The following SLC10A7 variants were observed in gnomAD, a reference collection of about 807,000 sequenced individuals.
SLC10A7 encodes the protein sodium/bile acid cotransporter 7.
SLC10A7 carries 29 observed loss-of-function variants against 43.2 expected under a neutral mutation model. That is an observed-to-expected ratio of 0.67 (90% CI 0.50 to 0.92). SLC10A7 has a LOEUF of 0.92. Ranked by LOEUF, SLC10A7 falls within the 40% of genes least tolerant of loss-of-function variation. SLC10A7 has a pLI of 0.00. For synonymous variants in SLC10A7, 152 were observed against 144.8 expected, an observed-to-expected ratio of 1.05 and a Z score of -0.35; for missense variants, 295 against 403.2, an observed-to-expected ratio of 0.73 and a Z score of 2.30.
chr4:146,400,892 T>C (rs2149816090), intron 5 of SLC10A7, among the ~76,000 whole-genome samples: 1 of 152,346 alleles, frequency 6.6e-6, no homozygotes, highest in East Asian at 1.9e-4. Flanking sequence ...TGAGTCTGCA[T>C]GCACTAAAAA....
chr4:146,498,275 G>A (rs1256945402), intron 4 of SLC10A7, among the ~76,000 whole-genome samples: 1 of 151,976 alleles, frequency 6.6e-6, no homozygotes, highest in African/African-American at 2.4e-5. Flanking sequence ...ATGACACCAA[G>A]CCTGGCTAAT....
chr4:146,286,439 TCTGGAGTGGTGAGAAGGAC>T (rs1729953655), intron 9 of SLC10A7, among the ~76,000 whole-genome samples: 1 of 108,900 alleles, frequency 9.2e-6, no homozygotes. Context: ...TGAGAAGGAC[TCTGGAGTGGTGAGAAGGAC>T]TGAGTTTGGA....
At chr4:146,325,723 A>T (rs141430670) in intron 6 of SLC10A7, among the ~76,000 whole-genome samples, 2 of 152,324 alleles carry the variant, frequency 1.3e-5, no homozygotes, top group East Asian at 1.9e-4. Context: ...TATTTGTAAT[A>T]TAATGATTTA....
At chr4:146,424,197 G>A (rs888873562) in intron 5 of SLC10A7, among the ~76,000 whole-genome samples, 3 of 152,072 alleles carry the variant, frequency 2.0e-5, no homozygotes, top group South Asian at 2.1e-4. Flanking sequence ...GACTACAAGC[G>A]GGCAACACCA....
chr4:146,515,186 T>C (rs2150054664), intron 2 of SLC10A7: 1 of 702,252 alleles, frequency 1.4e-6, no homozygotes, highest in Non-Finnish European at 2.6e-6. Flanking sequence ...GCTTTCTGGA[T>C]TTCCCATGGC....
At chr4:146,368,637 CCCTT>C (rs774336730) in intron 5 of SLC10A7, among the ~76,000 whole-genome samples, 8 of 152,058 alleles carry the variant, frequency 5.3e-5, no homozygotes, top group East Asian at 3.9e-4. Context: ...CAACTTGTGC[CCCTT>C]CCTTCCTTCC....
intron 6 of SLC10A7, among the ~76,000 whole-genome samples, chr4:146,317,234 T>C (rs1034372226): frequency 6.6e-6 from 1 of 152,106 alleles, no homozygotes; most frequent in African/African-American, 2.4e-5. Context: ...TTTGGACAGA[T>C]GCATCCATTC....
At chr4:146,319,666 G>A (rs1373001191) in intron 6 of SLC10A7, among the ~76,000 whole-genome samples, 1 of 152,014 alleles carries the variant, frequency 6.6e-6, no homozygotes, top group East Asian at 1.9e-4. Flanking sequence ...TAATGAATAA[G>A]TTTAAATAAC....
intron 5 of SLC10A7, among the ~76,000 whole-genome samples, chr4:146,357,722 G>A (rs1241731415): frequency 1.3e-5 from 2 of 152,152 alleles, no homozygotes; most frequent in African/African-American, 4.8e-5. Flanking sequence ...GGGAGCTTCA[G>A]AGAATCACTT....
At chr4:146,295,881 C>T (rs1056040697) in intron 7 of SLC10A7, among the ~76,000 whole-genome samples, 35 of 152,080 alleles carry the variant, frequency 2.3e-4, no homozygotes, top group Admixed American at 1.8e-3. Context: ...TCTCTCTCTG[C>T]AATAGGTTAT....
At chr4:146,463,122 G>T (rs552640728) in intron 4 of SLC10A7, among the ~76,000 whole-genome samples, 2 of 152,244 alleles carry the variant, frequency 1.3e-5, no homozygotes, top group Non-Finnish European at 2.9e-5. Flanking sequence ...CTTTTAAAAT[G>T]CTGCCCTCTA....
At chr4:146,408,779 C>A (rs879315511) in intron 5 of SLC10A7, 1 of 152,048 alleles carries the variant, frequency 6.6e-6, no homozygotes, top group Non-Finnish European at 1.5e-5. Context: ...AATATCAACC[C>A]TCTTGTTCTC....
intron 9 of SLC10A7, among the ~76,000 whole-genome samples, chr4:146,283,948 A>G (rs2115795): frequency 6.6e-6 from 1 of 152,130 alleles, no homozygotes; most frequent in African/African-American, 2.4e-5. Flanking sequence ...CTTAATTACT[A>G]TATTCTACTA....
intron 5 of SLC10A7, among the ~76,000 whole-genome samples, chr4:146,342,765 C>A (rs1734356271): frequency 6.6e-6 from 1 of 151,580 alleles, no homozygotes; most frequent in Admixed American, 6.6e-5. Context: ...AAATATTATG[C>A]AAAATAAAAT....
At chr4:146,341,735 T>C (rs1560815259) in intron 5 of SLC10A7, among the ~76,000 whole-genome samples, 1 of 151,848 alleles carries the variant, frequency 6.6e-6, no homozygotes, top group Non-Finnish European at 1.5e-5. Context: ...AAGTAATGTA[T>C]GGTAAAGCCT....
chr4:146,469,844 A>G (rs897058377), intron 4 of SLC10A7, among the ~76,000 whole-genome samples: 4 of 152,024 alleles, frequency 2.6e-5, no homozygotes, highest in Non-Finnish European at 5.9e-5. Flanking sequence ...TGCCCAGGCT[A>G]GTCTCAGGTA....
chr4:146,365,012 C>T (rs1177546001), intron 5 of SLC10A7, among the ~76,000 whole-genome samples: 1 of 152,100 alleles, frequency 6.6e-6, no homozygotes, highest in Non-Finnish European at 1.5e-5. Context: ...TCTAGTGAGA[C>T]AGACCACCCA....
chr4:146,256,917 C>A lies in SLC10A7; in HGVS notation c.994-397G>T, dbSNP rs1404132097. 1 of 1,536,158 alleles carries A rather than the reference C, an allele frequency of 6.5e-7. No homozygotes were observed. Among genetic ancestry groups the A allele is most frequent in the Non-Finnish European group, 8.7e-7 (1 of 1,146,820 alleles). On this transcript the variant is annotated intron_variant, in intron 11 of 11. Transcript: ENST00000335472. Reference sequence around the variant, plus strand: ...TGGATTATTCAAGTTAGCCAGTGGCCCCCTGGTTTGGAGTAGTTTCTACAC... The same window carrying A: ...TGGATTATTCAAGTTAGCCAGTGGCACCCTGGTTTGGAGTAGTTTCTACAC...
chr4:146,396,040 A>G lies in SLC10A7; in HGVS notation c.435+46743T>C, dbSNP rs561262928. ...CGACAATCTACGAGGTTTTTCTCCCACATCCTTCCAATATTAATTATTTCT... is the reference window on the plus strand; with the variant it reads ...CGACAATCTACGAGGTTTTTCTCCCGCATCCTTCCAATATTAATTATTTCT... On this transcript the variant is annotated intron_variant, in intron 5 of 11. Transcript: ENST00000335472. Among the ~76,000 whole-genome samples the G allele has an allele frequency of 8.5e-5, 13 of 152,246 alleles. No homozygotes were observed. In the South Asian group the frequency reaches 2.5e-3, roughly 29 times the overall value.
Sources: gnomAD v4.1 joint callset for allele counts (sites outside exome capture counted in the v4.1 genomes callset) on GRCh38, gnomAD v4.1.1 for gene constraint, MANE v1.5 for transcripts, NCBI Gene and HGNC (gene_info 2026-07-23, HGNC 2026-07-21) for gene names.